The following ARL9 variants were observed in gnomAD, a reference collection of about 807,000 sequenced individuals.
The protein encoded by ARL9 is ARF like GTPase 9.
ARL9 carries 14 observed loss-of-function variants against 27.0 expected under a neutral mutation model. The observed-to-expected ratio is 0.52, with a 90% CI of 0.34 to 0.81. The LOEUF (loss-of-function observed/expected upper bound fraction) is 0.81. ARL9 is among the 30% of genes least tolerant of loss of function. The pLI is 0.01. For synonymous variants in ARL9, 106 were observed against 108.7 expected, an observed-to-expected ratio of 0.98 and a Z score of 0.15; for missense variants, 294 against 290.0, an observed-to-expected ratio of 1.01 and a Z score of -0.10.
intron 2 of ARL9, among the ~76,000 whole-genome samples, chr4:56,514,982 G>T (rs1578211484): frequency 6.6e-6 from 1 of 152,254 alleles, no homozygotes; most frequent in African/African-American, 2.4e-5. Flanking sequence ...AGGTGTGGTG[G>T]CTTATGCCTG....
At chr4:56,506,557 T>G in intron 1 of ARL9, 1 of 940,304 alleles carries the variant, frequency 1.1e-6, no homozygotes, top group Non-Finnish European at 1.3e-6. Flanking sequence ...ATGCGTTCTT[T>G]GTCAGAAGGG....
intron 1 of ARL9, among the ~76,000 whole-genome samples, chr4:56,510,661 G>T (rs1721612801): frequency 6.6e-6 from 1 of 152,166 alleles, no homozygotes. Context: ...CAGGAGGTGG[G>T]GGATAGAGGA....
chr4:56,511,929 A>G (rs1382112418), intron 2 of ARL9, among the ~76,000 whole-genome samples: 1 of 152,174 alleles, frequency 6.6e-6, no homozygotes, highest in African/African-American at 2.4e-5. Context: ...AAAACCTAAC[A>G]AGGGAAAAAC....
Position 56,505,853 on chromosome 4 carries a change from G to C in ARL9, c.-10G>C. ...ACGCGGCGGGAGGGAAGGAAACCGC[G>C]GCGCTGGGGATGGAGAGGGGGAAAG... On this transcript the variant is annotated 5_prime_UTR_variant, in exon 1 of 4. Coordinates refer to ENST00000640821, the MANE Select transcript of ARL9 (RefSeq NM_001363794.2). 1 of 1,275,046 alleles carries C rather than the reference G, an allele frequency of 7.8e-7. No homozygotes were observed. The highest frequency in any genetic ancestry group is 9.9e-7 in the Non-Finnish European group (1 of 1,012,914). The allele number at this position is 1,275,046 out of a possible 1,614,324, so 79.0% of individuals were successfully genotyped here.
In ARL9 at chr4:56,518,982, A is replaced by G. The variant is rs891643754; in HGVS notation, c.618+129A>G. The stretch of plus-strand genomic sequence containing the variant: ...AGTTTATGTTTATTAGAGCTCTTGG[A>G]TTATAAACACCTTGAGGGTAGAGAC... On this transcript the variant is annotated intron_variant, in intron 3 of 3. Coordinates refer to ENST00000640821, the MANE Select transcript of ARL9 (RefSeq NM_001363794.2). The G allele has an allele frequency of 1.5e-5, 13 of 884,802 alleles. No homozygotes were observed. In the African/African-American group the frequency reaches 2.2e-4, roughly 15 times the overall value. 54.8% of individuals were successfully genotyped at this position (884,802 alleles called of 1,614,324 possible).
chr4:56,511,506 G>T lies in ARL9; in HGVS notation c.442+159G>T, dbSNP rs1721636573. Among the ~76,000 whole-genome samples, 3 of 152,194 alleles carry T rather than the reference G, an allele frequency of 2.0e-5. No individual in the cohort carries two copies. In the South Asian group the frequency reaches 6.2e-4, roughly 32 times the overall value. ...GTAGTTTAATACCCAGGTACACTGT[G>T]GGGGGAATCACTTTTTGCTTTTTTG... On this transcript the variant is annotated intron_variant, in intron 2 of 3. Transcript: ENST00000640821.
At position 56,507,610 on chromosome 4, in the gene ARL9, C is replaced by T. The variant is rs565046701; in HGVS notation, c.279+1469C>T. Among the ~76,000 whole-genome samples the T allele has an allele frequency of 6.6e-5, 10 of 151,646 alleles. No homozygotes were observed. The East Asian group carries it at 2.0e-3, about 30-fold the overall frequency. Reference sequence around the variant, plus strand: ...GATTACAGGCATGAGCCACTGTGCCCGGCCTGGGAACTGCTTTTAATTCAC... The same window carrying T: ...GATTACAGGCATGAGCCACTGTGCCTGGCCTGGGAACTGCTTTTAATTCAC... On this transcript the variant is annotated intron_variant, in intron 1 of 3. Coordinates refer to ENST00000640821, the MANE Select transcript of ARL9 (RefSeq NM_001363794.2).
intron 3 of ARL9, among the ~76,000 whole-genome samples, chr4:56,520,277 A>G (rs1721882719): frequency 6.6e-6 from 1 of 152,184 alleles, no homozygotes; most frequent in Non-Finnish European, 1.5e-5. Flanking sequence ...TTCTGGGATT[A>G]CAGGTGTGAA....
chr4:56,510,354 C>CAAAAAAA (rs769085578), intron 1 of ARL9, among the ~76,000 whole-genome samples: 5,532 of 74,458 alleles, frequency 0.074, 173 homozygotes, highest in East Asian at 0.29. Context: ...GACTCCAACT[C>CAAAAAAA]AAAAAAAAAA....
intron 3 of ARL9, among the ~76,000 whole-genome samples, chr4:56,519,739 G>A (rs1406551046): frequency 6.6e-6 from 1 of 151,974 alleles, no homozygotes; most frequent in Non-Finnish European, 1.5e-5. Context: ...ATATTGTTTT[G>A]TTTTGTATGT....
At chr4:56,509,201 CTTTTTTTTGT>C (rs1721553986) in intron 1 of ARL9, among the ~76,000 whole-genome samples, 1 of 133,352 alleles carries the variant, frequency 7.5e-6, no homozygotes, top group Non-Finnish European at 1.6e-5. Flanking sequence ...TTTTCTTTTT[CTTTTTTTTGT>C]TTTTTTTTTT....
chr4:56,520,213 C>T (rs1020023951), intron 3 of ARL9, among the ~76,000 whole-genome samples: 6 of 152,206 alleles, frequency 3.9e-5, no homozygotes, highest in African/African-American at 7.2e-5. Flanking sequence ...ATGTTGGCCA[C>T]GCTGATCTCG....
intron 2 of ARL9, among the ~76,000 whole-genome samples, chr4:56,513,031 T>C (rs939027876): frequency 4.6e-5 from 7 of 152,254 alleles, no homozygotes; most frequent in Admixed American, 1.3e-4. Flanking sequence ...CAAAAATGCA[T>C]TAAGTGCCAA....
At position 56,515,110 on chromosome 4, in the gene ARL9, C is replaced by T. The variant is rs568370158; in HGVS notation, c.443-3568C>T. On this transcript the variant is annotated intron_variant, in intron 2 of 3. Coordinates refer to ENST00000640821, the MANE Select transcript of ARL9 (RefSeq NM_001363794.2). ...CTCTACTAAAAATACAAAAATTAGC[C>T]GGGCATGGTGGCAGGTGCCTGTAAT... 2.4e-4 allele frequency among the ~76,000 whole-genome samples: 36 copies of T among 151,898 alleles called. No homozygotes were observed. In the East Asian group the frequency reaches 3.3e-3, roughly 14 times the overall value.
chr4:56,505,448 C>T (rs1721423135), upstream of ARL9: 1 of 461,640 alleles, frequency 2.2e-6, no homozygotes, highest in African/African-American at 2.0e-5. Context: ...AGACGTCAGA[C>T]GCTAAGGTTG....
intron 3 of ARL9, among the ~76,000 whole-genome samples, chr4:56,522,153 G>T (rs939809263): frequency 3.3e-5 from 5 of 152,070 alleles, no homozygotes; most frequent in African/African-American, 1.2e-4. Context: ...ATGCACAGTG[G>T]CCCATGCCTA....
rs769584526 is a variant in ARL9, at chr4:56,511,202, C to T, written c.297C>T (p.Ile99=). The change falls in exon 2 of 4, where the codon ATC becomes ATT. Residue 99 remains isoleucine (I), a synonymous_variant. Coordinates refer to ENST00000640821, the MANE Select transcript of ARL9 (RefSeq NM_001363794.2). ...TTTCACAGGAGAAAAACAAGCAAATCCTAGTGCTGGGCCTGGATGGAGCAG... is the reference window on the plus strand; with the variant it reads ...TTTCACAGGAGAAAAACAAGCAAATTCTAGTGCTGGGCCTGGATGGAGCAG... ...PLEPLEKNKQ[I]LVLGLDGAGK... 1 of 1,596,018 alleles carries T rather than the reference C, an allele frequency of 6.3e-7. No homozygotes were observed. Among genetic ancestry groups the T allele is most frequent in the Non-Finnish European group, 8.5e-7 (1 of 1,171,386 alleles).
In ARL9 at chr4:56,510,304, G is replaced by A. The variant is rs372578204; in HGVS notation, c.280-881G>A. Among the ~76,000 whole-genome samples, 178 of 148,238 alleles carry A rather than the reference G, an allele frequency of 1.2e-3. 1 individual carries two copies. In the South Asian group the frequency reaches 0.013, roughly 11 times the overall value. On this transcript the variant is annotated intron_variant, in intron 1 of 3. Transcript: ENST00000640821. ...CAGGAGGCGGAGGTTGCAGTGAGCC[G>A]AGATCGTGCCACTGCACTCCAGCCT...
Position 56,523,976 on chromosome 4 carries a change from A to C in ARL9, c.*100A>C. The C allele has an allele frequency of 8.2e-7, 1 of 1,217,496 alleles. No individual in the cohort carries two copies. The highest frequency in any genetic ancestry group is 1.1e-6 in the Non-Finnish European group (1 of 895,722). 75.4% of individuals were successfully genotyped at this position (1,217,496 alleles called of 1,614,324 possible). A position where few individuals can be genotyped will look rare whatever the true frequency, so the allele number is the denominator to read the frequency against. On this transcript the variant is annotated 3_prime_UTR_variant, in exon 4 of 4. Transcript: ENST00000640821. The stretch of plus-strand genomic sequence containing the variant: ...TTCCACCTCAAATAAAAATTAAGCC[A>C]TTTCCTATTTTCTCAGTGCATGGGA...
Sources: gnomAD v4.1 joint callset for allele counts (sites outside exome capture counted in the v4.1 genomes callset) on GRCh38, gnomAD v4.1.1 for gene constraint, MANE v1.5 for transcripts, NCBI Gene and HGNC (gene_info 2026-07-23, HGNC 2026-07-21) for gene names.